The following FCN1 variants were observed in gnomAD, a reference collection of about 807,000 sequenced individuals.
The protein encoded by FCN1 is ficolin 1, also known as ficolin-1.
In FCN1, 42 loss-of-function variants were observed where a neutral mutation model predicts 35.6. The observed-to-expected ratio is 1.18, with a 90% CI of 0.92 to 1.53. The LOEUF is 1.53. Among genes scored for constraint, FCN1 ranks in the 40% most tolerant of loss-of-function variants. FCN1 has a pLI of 0.00. For synonymous variants in FCN1, 179 were observed against 169.8 expected (o/e 1.05, Z -0.42); for missense variants, 439 against 428.4 (o/e 1.02, Z -0.22).
chr9:134,906,976 G>A lies in FCN1; in HGVS notation c.*2822C>T, dbSNP rs1830963395. Reference sequence around the variant, plus strand: ...GATCCCAGCTACTTGGGAGGCTGAAGCATGAGAATCTCTTGAACCTGGGAG... The same window carrying A: ...GATCCCAGCTACTTGGGAGGCTGAAACATGAGAATCTCTTGAACCTGGGAG... On this transcript the variant is annotated 3_prime_UTR_variant, in exon 9 of 9. Coordinates refer to ENST00000371806, the MANE Select transcript of FCN1 (RefSeq NM_002003.5). 1 of 152,316 alleles carries A rather than the reference G, an allele frequency of 6.6e-6. No homozygotes were observed. Among genetic ancestry groups the A allele is most frequent in the African/African-American group, 2.4e-5 (1 of 41,568 alleles). 9.4% of individuals were successfully genotyped at this position (152,316 alleles called of 1,614,324 possible). A position where few individuals can be genotyped will look rare whatever the true frequency, so the allele number is the denominator to read the frequency against.
In FCN1 at chr9:134,913,128, T is replaced by C. The variant is rs375993130; in HGVS notation, c.356A>G (p.Lys119Arg). ...QSCATGPRNC[K>R]DLLDRGYFLS... is the part of the protein sequence containing the mutation. ...GAAATACCCCCGGTCTAGCAGGTCC[T>C]TGCAGTTGCGTGGGCCTGGGAAGGG... The change falls in exon 6 of 9, where the codon AAG becomes AGG. Residue 119 changes from lysine (K) to arginine (R), a missense_variant. By Grantham distance (26) the Lys-to-Arg change is conservative (BLOSUM62 2). Coordinates refer to ENST00000371806, the MANE Select transcript of FCN1 (RefSeq NM_002003.5). The C allele has an allele frequency of 5.6e-6, 9 of 1,613,804 alleles. No homozygotes were observed. In the African/African-American group the frequency reaches 8.0e-5, roughly 14 times the overall value.
intron 2 of FCN1, among the ~76,000 whole-genome samples, chr9:134,915,372 C>A (rs1053636737): frequency 5.9e-5 from 9 of 152,188 alleles, no homozygotes; most frequent in African/African-American, 1.9e-4. Flanking sequence ...CGCTCGCTGA[C>A]CCCAGTGGCT....
intron 7 of FCN1, among the ~76,000 whole-genome samples, chr9:134,911,480 G>C (rs1323007394): frequency 6.6e-6 from 1 of 151,494 alleles, no homozygotes; most frequent in Non-Finnish European, 1.5e-5. Flanking sequence ...CAGTAGCTGG[G>C]ATTACAGGTG....
intron 2 of FCN1, among the ~76,000 whole-genome samples, chr9:134,915,599 A>C (rs1428989546): frequency 1.3e-5 from 2 of 152,156 alleles, no homozygotes; most frequent in Admixed American, 1.3e-4. Flanking sequence ...GGACACCCAC[A>C]CGGAAGCCTA....
Position 134,904,898 on chromosome 9 carries a change from TGTAAAAATGTG to T in FCN1, c.*4889_*4899del, listed in dbSNP as rs1163464996. On this transcript the variant is annotated 3_prime_UTR_variant, in exon 9 of 9. Transcript: ENST00000371806. ...AGAAGGAATAAAGGGCAACATAAAG[TGTAAAAATGTG>T]GTAAAAATGAATACGGACTGCACAA... Among the ~76,000 whole-genome samples, 1 of 151,710 alleles carries T rather than the reference TGTAAAAATGTG, an allele frequency of 6.6e-6. No individual in the cohort carries two copies. Among genetic ancestry groups the T allele is most frequent in the African/African-American group, 2.4e-5 (1 of 41,290 alleles).
chr9:134,911,043 G>A lies in FCN1; in HGVS notation c.733+90C>T. ...GATGGAGAAATGGGATTCAGAGAGA[G>A]GAGGGCCCAAGGTCACCAGGGGAGA... On this transcript the variant is annotated intron_variant, in intron 8 of 8. Coordinates refer to ENST00000371806, the MANE Select transcript of FCN1 (RefSeq NM_002003.5). The A allele has an allele frequency of 3.7e-6, 5 of 1,338,404 alleles. No individual in the cohort carries two copies. The South Asian group carries it at 6.3e-5, about 17-fold the overall frequency. 82.9% of individuals were successfully genotyped at this position (1,338,404 alleles called of 1,614,324 possible). A position where few individuals can be genotyped will look rare whatever the true frequency, so the allele number is the denominator to read the frequency against.
Position 134,909,643 on chromosome 9 carries a change from G to A in FCN1, c.*155C>T, listed in dbSNP as rs1830995663. The A allele has an allele frequency of 6.3e-7, 1 of 1,589,626 alleles. No homozygotes were observed. The highest frequency in any genetic ancestry group is 1.7e-5 in the Admixed American group (1 of 58,838). ...ATAATTCTCCCTCTGGTGAGGTTGT[G>A]GGCATGTGGCGGCTTGACTGAGCTG... On this transcript the variant is annotated 3_prime_UTR_variant, in exon 9 of 9. Transcript: ENST00000371806.
chr9:134,911,142 C>T lies in FCN1; in HGVS notation c.724G>A (p.Gly242Ser), dbSNP rs1831017840. 1.9e-6 allele frequency: 3 copies of T among 1,614,012 alleles called. No individual in the cohort carries two copies. In the East Asian group the frequency reaches 6.7e-5, roughly 36 times the overall value. The change falls in exon 8 of 9, where the codon GGC (glycine) becomes AGC (serine). Residue 242 changes from glycine to serine, a missense_variant. Transcript: ENST00000371806. ...YKLVLGAFVG[G>S]SAGNSLTGHN... ...CCAAGCAGACACTCACCCGCACTGC[C>T]CCCGACAAAGGCTCCCAGTACCAGC...
rs148159276 is a variant in FCN1, at chr9:134,916,205, T to C, written c.217+143A>G. Reference sequence around the variant, plus strand: ...TGTTGGGCCCTGGGAGTCAGCTCTGTTCCTGGCTCTAGCAGGGGCCTGACC... The same window carrying C: ...TGTTGGGCCCTGGGAGTCAGCTCTGCTCCTGGCTCTAGCAGGGGCCTGACC... On this transcript the variant is annotated intron_variant, in intron 2 of 8. Transcript: ENST00000371806. 1,609 of 705,344 alleles carry C rather than the reference T, an allele frequency of 2.3e-3. 6 individuals are homozygous for C. The highest frequency in any genetic ancestry group is 3.0e-3 in the Non-Finnish European group (1,170 of 394,868). The allele number at this position is 705,344 out of a possible 1,614,324, so 43.7% of individuals were successfully genotyped here.
At chr9:134,917,716 T>C in intron 1 of FCN1, 53 bp downstream of exon 1, 3 of 1,163,854 alleles carry the variant, frequency 2.6e-6, no homozygotes, top group Non-Finnish European at 3.9e-6. Context: ...CGAGTGTCAG[T>C]GAGTGGGGTT....
At chr9:134,911,107 G>T in intron 8 of FCN1, 26 bp downstream of exon 8, 1 of 1,612,828 alleles carries the variant, frequency 6.2e-7, no homozygotes, top group Non-Finnish European at 8.5e-7. Context: ...CCCCACTCAG[G>T]CCACCAGCCC....
Position 134,914,536 on chromosome 9 carries a change from C to T in FCN1, c.272-116G>A, listed in dbSNP as rs1054671765. 5 of 1,128,986 alleles carry T rather than the reference C, an allele frequency of 4.4e-6. No individual in the cohort carries two copies. The African/African-American group carries it at 6.2e-5, about 14-fold the overall frequency. The allele number at this position is 1,128,986 out of a possible 1,614,324, so 69.9% of individuals were successfully genotyped here. On this transcript the variant is annotated intron_variant, in intron 3 of 8. Transcript: ENST00000371806. ...GCATCTCCCCAGCCCTGCAGGCTCA[C>T]TAAGGCATCACAACGCCCAGGTCTC...
In FCN1 at chr9:134,907,667, G is replaced by A. The variant is rs1240700596; in HGVS notation, c.*2131C>T. The A allele has an allele frequency of 2.6e-5, 4 of 152,050 alleles. No individual in the cohort carries two copies. Among genetic ancestry groups the A allele is most frequent in the Non-Finnish European group, 4.4e-5 (3 of 68,010 alleles). 9.4% of individuals were successfully genotyped at this position (152,050 alleles called of 1,614,324 possible). On this transcript the variant is annotated 3_prime_UTR_variant, in exon 9 of 9. Transcript: ENST00000371806. ...ATCCAAAATACCATTGGCTACTTTT[G>A]CTTTTGAAAAACTTTATCTACAATG...
At chr9:134,914,025 T>C (rs1159896320) in intron 4 of FCN1, among the ~76,000 whole-genome samples, 1 of 152,244 alleles carries the variant, frequency 6.6e-6, no homozygotes, top group African/African-American at 2.4e-5. Context: ...GCTCCGGTTT[T>C]CATTTGTGTT....
At position 134,915,562 on chromosome 9, in the gene FCN1, C is replaced by T. The variant is rs116078375; in HGVS notation, c.218-753G>A. Reference sequence around the variant, plus strand: ...GGACCGCACTCTCAGGTCCAGCCTGCGGAGTGGGCACAGAGGACCTGGCCC... The same window carrying T: ...GGACCGCACTCTCAGGTCCAGCCTGTGGAGTGGGCACAGAGGACCTGGCCC... On this transcript the variant is annotated intron_variant, in intron 2 of 8. Transcript: ENST00000371806. 4.6e-3 allele frequency among the ~76,000 whole-genome samples: 696 copies of T among 152,264 alleles called. 3 individuals carry two copies. Among genetic ancestry groups the T allele is most frequent in the African/African-American group, 0.016 (664 of 41,550 alleles).
At chr9:134,915,885 C>T (rs1831086128) in intron 2 of FCN1, among the ~76,000 whole-genome samples, 1 of 152,202 alleles carries the variant, frequency 6.6e-6, no homozygotes, top group Non-Finnish European at 1.5e-5. Context: ...TTCGGGTGCC[C>T]TCTGTGCCCT....
At chr9:134,916,811 C>A (rs1831098207) in intron 1 of FCN1, among the ~76,000 whole-genome samples, 3 of 152,196 alleles carry the variant, frequency 2.0e-5, no homozygotes, top group African/African-American at 7.2e-5. Flanking sequence ...AAACAGCGGG[C>A]ACTTTCAATA....
rs1370361562 is a variant in FCN1, at chr9:134,907,381, A to G, written c.*2417T>C. 2.0e-5 allele frequency: 3 copies of G among 152,226 alleles called. No homozygotes were observed. The highest frequency in any genetic ancestry group is 4.4e-5 in the Non-Finnish European group (3 of 68,036). The allele number at this position is 152,226 out of a possible 1,614,324, so 9.4% of individuals were successfully genotyped here. A position where few individuals can be genotyped will look rare whatever the true frequency, so the allele number is the denominator to read the frequency against. On this transcript the variant is annotated 3_prime_UTR_variant, in exon 9 of 9. Coordinates refer to ENST00000371806, the MANE Select transcript of FCN1 (RefSeq NM_002003.5). ...GCCTGTAGCTCATGTTCCTGGATCC[A>G]AGCATGTGCAGTTTCTTTATAAGTA...
intron 2 of FCN1, among the ~76,000 whole-genome samples, chr9:134,916,071 T>C (rs2989724): frequency 0.74 from 112,043 of 152,166 alleles, 42,258 homozygotes; most frequent in African/African-American, 0.88. Flanking sequence ...TGCCAGTAGC[T>C]GAGCAAAGCT....
Sources: allele counts gnomAD v4.1 joint callset (sites outside exome capture counted in the v4.1 genomes callset), GRCh38; gene constraint gnomAD v4.1.1; transcripts MANE v1.5; gene names NCBI Gene and HGNC (gene_info 2026-07-23, HGNC 2026-07-21).